JPH3: variants seen among roughly 807,000 people sequenced by gnomAD.
JPH3 encodes junctophilin-3.
JPH3 carries 11 observed loss-of-function variants against 59.6 expected under a neutral mutation model. That is an observed-to-expected ratio of 0.18 (90% CI 0.12 to 0.31). The LOEUF is 0.31. Ranked by LOEUF, JPH3 falls within the 10% of genes least tolerant of loss-of-function variation. JPH3 has a pLI of 1.00. For synonymous variants in JPH3, 673 were observed against 483.6 expected, an observed-to-expected ratio of 1.39 and a Z score of -5.14; for missense variants, 1,202 against 1,105.7, an observed-to-expected ratio of 1.09 and a Z score of -1.24.
chr16:87,637,890 G>T (rs1319165934), intron 1 of JPH3, among the ~76,000 whole-genome samples: 4 of 152,130 alleles, frequency 2.6e-5, no homozygotes, highest in Non-Finnish European at 4.4e-5. Context: ...TGTTGTCAGA[G>T]CAGTGCTGTT....
At position 87,697,462 on chromosome 16, in the gene JPH3, A is replaced by AGG. The variant is rs61158696; in HGVS notation, c.*806_*807dup. On this transcript the variant is annotated 3_prime_UTR_variant, in exon 5 of 5. Transcript: ENST00000284262. Reference sequence around the variant, plus strand: ...TGGGCTCAGCTAAGCACGGAAGCCAAGGGGGCTGTGCCGTGGAGCTGGGCT... The same window carrying AGG: ...TGGGCTCAGCTAAGCACGGAAGCCAAGGGGGGGCTGTGCCGTGGAGCTGGGCT... 2 of 152,298 alleles carry AGG rather than the reference A, an allele frequency of 1.3e-5. No homozygotes were observed. Among genetic ancestry groups the AGG allele is most frequent in the African/African-American group, 4.8e-5 (2 of 41,400 alleles). 9.4% of individuals were successfully genotyped at this position (152,298 alleles called of 1,614,324 possible). A position where few individuals can be genotyped will look rare whatever the true frequency, so the allele number is the denominator to read the frequency against.
At chr16:87,613,210 C>A (rs1229252987) in intron 1 of JPH3, among the ~76,000 whole-genome samples, 1 of 150,774 alleles carries the variant, frequency 6.6e-6, no homozygotes, top group Middle Eastern at 3.2e-3. Flanking sequence ...CATTCTCCTG[C>A]CTCAGCCTCC....
chr16:87,645,458 T>TA (rs1461453489), intron 2 of JPH3, among the ~76,000 whole-genome samples: 1 of 152,160 alleles, frequency 6.6e-6, no homozygotes, highest in Non-Finnish European at 1.5e-5. Flanking sequence ...GGGAGGTGGC[T>TA]AGGAGCTGCC....
chr16:87,670,644 T>C (rs537887742), intron 2 of JPH3, among the ~76,000 whole-genome samples: 1 of 152,340 alleles, frequency 6.6e-6, no homozygotes, highest in African/African-American at 2.4e-5. Context: ...ACACTGCGGA[T>C]GGGACGCAGG....
At chr16:87,677,181 TATATACAC>T (rs1373052447) in intron 2 of JPH3, among the ~76,000 whole-genome samples, 3 of 72,596 alleles carry the variant, frequency 4.1e-5, no homozygotes, top group African/African-American at 2.0e-4. Flanking sequence ...GCACTATATA[TATATACAC>T]ACACACACAC....
At chr16:87,693,556 T>C (rs1255619358) in intron 4 of JPH3, 1 of 152,254 alleles carries the variant, frequency 6.6e-6, no homozygotes, top group Non-Finnish European at 1.5e-5. Flanking sequence ...ACGCCTGTAA[T>C]TCCAGCTACT....
In JPH3 at chr16:87,604,826, C is replaced by T. The variant is rs1288731299; in HGVS notation, c.382+1298C>T. On this transcript the variant is annotated intron_variant, in intron 1 of 4. Transcript: ENST00000284262. ...CTGGGGCAGTTAATTATATAATGCT[C>T]CTGCCTGTCAAAGCCGTGCCCAGCC... 1.5e-5 allele frequency: 6 copies of T among 390,678 alleles called. No homozygotes were observed. In the East Asian group the frequency reaches 2.3e-4, roughly 15 times the overall value. 24.2% of individuals were successfully genotyped at this position (390,678 alleles called of 1,614,324 possible). A position where few individuals can be genotyped will look rare whatever the true frequency, so the allele number is the denominator to read the frequency against.
At chr16:87,628,968 T>TA (rs1022880601) in intron 1 of JPH3, among the ~76,000 whole-genome samples, 2 of 152,158 alleles carry the variant, frequency 1.3e-5, no homozygotes, top group Non-Finnish European at 2.9e-5. Flanking sequence ...CAGCCAGAGT[T>TA]ACTGGGTGTG....
At position 87,603,001 on chromosome 16, in the gene JPH3, C is replaced by G. The variant is rs983424864; in HGVS notation, c.-146C>G. 4 of 945,078 alleles carry G rather than the reference C, an allele frequency of 4.2e-6. No individual in the cohort carries two copies. Among genetic ancestry groups the G allele is most frequent in the South Asian group, 3.5e-5 (2 of 56,420 alleles). 58.5% of individuals were successfully genotyped at this position (945,078 alleles called of 1,614,324 possible). A position where few individuals can be genotyped will look rare whatever the true frequency, so the allele number is the denominator to read the frequency against. ...CTCCGGAGCCGGCGCCGCGGCCGCCCGCGCCCGAGACCGCGCTCCGGGGCC... is the reference window on the plus strand; with the variant it reads ...CTCCGGAGCCGGCGCCGCGGCCGCCGGCGCCCGAGACCGCGCTCCGGGGCC... On this transcript the variant is annotated 5_prime_UTR_variant, in exon 1 of 5. Coordinates refer to ENST00000284262, the MANE Select transcript of JPH3 (RefSeq NM_020655.4).
chr16:87,613,140 A>C (rs557826978), intron 1 of JPH3, among the ~76,000 whole-genome samples: 195 of 125,548 alleles, frequency 1.6e-3, no homozygotes, highest in Non-Finnish European at 2.4e-3. Context: ...TCTGTCGCCT[A>C]GGCTGGAGTG....
chr16:87,629,894 G>A (rs565161797), intron 1 of JPH3, among the ~76,000 whole-genome samples: 8 of 152,132 alleles, frequency 5.3e-5, no homozygotes, highest in South Asian at 2.1e-4. Flanking sequence ...TAATATCAGG[G>A]GAAGTGGGGG....
chr16:87,650,334 C>G (rs2032290353), intron 2 of JPH3, among the ~76,000 whole-genome samples: 1 of 152,346 alleles, frequency 6.6e-6, no homozygotes, highest in Non-Finnish European at 1.5e-5. Context: ...TTAATAAATG[C>G]TCTGTGTTCT....
chr16:87,649,839 C>G (rs541557974), intron 2 of JPH3, among the ~76,000 whole-genome samples: 1 of 152,136 alleles, frequency 6.6e-6, no homozygotes, highest in Non-Finnish European at 1.5e-5. Flanking sequence ...GAGGGAGAGA[C>G]GGGGTGGCCC....
At chr16:87,622,383 C>T (rs141553595) in intron 1 of JPH3, among the ~76,000 whole-genome samples, 1,992 of 152,294 alleles carry the variant, frequency 0.013, 45 homozygotes, top group African/African-American at 0.045. Flanking sequence ...GGAGTGAGAA[C>T]GGGTGCTGCT....
intron 2 of JPH3, among the ~76,000 whole-genome samples, chr16:87,676,751 C>G (rs1237813948): frequency 6.8e-6 from 1 of 147,806 alleles, no homozygotes; most frequent in Non-Finnish European, 1.5e-5. Context: ...AAATTGTTAT[C>G]TCAGCCAGGC....
At chr16:87,684,406 C>T (rs577831835) in intron 3 of JPH3, 140 bp downstream of exon 3, 11 of 1,352,474 alleles carry the variant, frequency 8.1e-6, no homozygotes, top group South Asian at 4.4e-5. Context: ...CCGGTGTCTT[C>T]CTCTCCCGCC....
At chr16:87,665,064 C>A (rs974339683) in intron 2 of JPH3, among the ~76,000 whole-genome samples, 1 of 152,240 alleles carries the variant, frequency 6.6e-6, no homozygotes, top group South Asian at 2.1e-4. Context: ...AAACAGGAAC[C>A]ATCCGGCCCT....
chr16:87,687,835 CG>C (rs915353402), intron 3 of JPH3, among the ~76,000 whole-genome samples: 2 of 152,088 alleles, frequency 1.3e-5, no homozygotes, highest in African/African-American at 2.4e-5. Flanking sequence ...TGGGAAAGGC[CG>C]GGGCGCCATC....
intron 2 of JPH3, among the ~76,000 whole-genome samples, chr16:87,683,026 G>A (rs143549336): frequency 6.2e-4 from 95 of 152,354 alleles, no homozygotes; most frequent in African/African-American, 2.2e-3. Flanking sequence ...TGACGTGCCC[G>A]GCTGCCCACA....
Sources: gnomAD v4.1 joint callset for allele counts (sites outside exome capture counted in the v4.1 genomes callset) on GRCh38, gnomAD v4.1.1 for gene constraint, MANE v1.5 for transcripts, NCBI Gene and HGNC (gene_info 2026-07-23, HGNC 2026-07-21) for gene names.